Variants in ZFPM2 observed in about 807,000 individuals in gnomAD.
The protein encoded by ZFPM2 is zinc finger protein, FOG family member 2.
In ZFPM2, 20 loss-of-function variants were observed where a neutral mutation model predicts 98.6. The observed-to-expected ratio is 0.20, with a 90% CI of 0.14 to 0.29. The LOEUF (loss-of-function observed/expected upper bound fraction) is 0.29, where lower values mean the gene tolerates loss of function less well. Among genes scored for constraint, ZFPM2 ranks in the 10% least tolerant of loss-of-function variants. The pLI, the probability that ZFPM2 is intolerant of heterozygous loss-of-function variation, is 1.00. For missense variants in ZFPM2, 1,310 were observed against 1,388.6 expected (o/e 0.94, Z 0.90); for synonymous variants, 518 against 502.7 (o/e 1.03, Z -0.41).
At position 105,477,237 on chromosome 8, in the gene ZFPM2, C is replaced by CTTT. The variant is rs397891589; in HGVS notation, c.301+32879_301+32881dup. 3.7e-3 allele frequency among the ~76,000 whole-genome samples: 272 copies of CTTT among 74,478 alleles called. 5 individuals carry two copies. The highest frequency in any genetic ancestry group is 4.3e-3 in the Admixed American group (23 of 5,334). The allele number at this position is 74,478 out of a possible 152,430, so 48.9% of individuals were successfully genotyped here. On this transcript the variant is annotated intron_variant, in intron 3 of 7. Transcript: ENST00000407775. ...TAAGTGATTTCTTTCTGCTAGCAAT[C>CTTT]TTTTTTTTTTTTTTTTTTTTTTTTT...
At position 105,346,396 on chromosome 8, in the gene ZFPM2, A is replaced by AT. The variant is rs1455108349; in HGVS notation, c.40+27415_40+27416insT. Among the ~76,000 whole-genome samples the AT allele has an allele frequency of 5.6e-3, 851 of 151,082 alleles. 34 individuals are homozygous for AT. Among genetic ancestry groups the AT allele is most frequent in the Admixed American group, 0.044 (661 of 15,184 alleles). On this transcript the variant is annotated intron_variant, in intron 1 of 7. Coordinates refer to ENST00000407775, the MANE Select transcript of ZFPM2 (RefSeq NM_012082.4). ...CGAAACTCCATCTCAAAAAAAAAAAAAAATAAATAAATAATAAAATAAGAG... is the reference window on the plus strand; with the variant it reads ...CGAAACTCCATCTCAAAAAAAAAAAATAAATAAATAAATAATAAAATAAGAG...
chr8:105,413,467 G>A (rs1811617239), intron 1 of ZFPM2, among the ~76,000 whole-genome samples: 2 of 145,190 alleles, frequency 1.4e-5, no homozygotes, highest in Admixed American at 7.0e-5. Context: ...CGATTATGAT[G>A]TCACAATTCA....
intron 2 of ZFPM2, among the ~76,000 whole-genome samples, chr8:105,440,147 T>C (rs542432214): frequency 1.3e-5 from 2 of 152,318 alleles, no homozygotes; most frequent in East Asian, 3.9e-4. Context: ...AATACTCCTC[T>C]AGTACTTGCT....
chr8:105,371,727 C>T (rs572269125), intron 1 of ZFPM2, among the ~76,000 whole-genome samples: 118 of 151,952 alleles, frequency 7.8e-4, no homozygotes, highest in African/African-American at 2.7e-3. Flanking sequence ...GTGATACCAC[C>T]TTATATAAGA....
At chr8:105,673,678 C>T (rs576898415) in intron 5 of ZFPM2, among the ~76,000 whole-genome samples, 2 of 152,236 alleles carry the variant, frequency 1.3e-5, no homozygotes, top group South Asian at 2.1e-4. Context: ...AAAATACGCT[C>T]ATTACTACAT....
chr8:105,508,097 C>T lies in ZFPM2; in HGVS notation c.302-53266C>T, dbSNP rs1362055101. Among the ~76,000 whole-genome samples, 5 of 152,046 alleles carry T rather than the reference C, an allele frequency of 3.3e-5. No homozygotes were observed. The East Asian group carries it at 9.6e-4, about 29-fold the overall frequency. ...AGATGCTTCCAAGAAAATCTTACAC[C>T]CACCTACTATTACAGTTTAACGATT... On this transcript the variant is annotated intron_variant, in intron 3 of 7. Coordinates refer to ENST00000407775, the MANE Select transcript of ZFPM2 (RefSeq NM_012082.4).
At chr8:105,451,796 C>CA (rs1812489612) in intron 3 of ZFPM2, 1 of 152,172 alleles carries the variant, frequency 6.6e-6, no homozygotes, top group African/African-American at 2.4e-5. Context: ...AGCAAACTGA[C>CA]ACAGCAGCCA....
intron 5 of ZFPM2, among the ~76,000 whole-genome samples, chr8:105,743,121 C>A (rs565214250): frequency 4.1e-4 from 63 of 152,134 alleles, no homozygotes; most frequent in African/African-American, 1.5e-3. Context: ...GAAAACGATT[C>A]CCCTTTCAGG....
chr8:105,793,736 A>G (rs1023346077), intron 6 of ZFPM2, among the ~76,000 whole-genome samples: 1 of 152,070 alleles, frequency 6.6e-6, no homozygotes, highest in African/African-American at 2.4e-5. Flanking sequence ...TCAGACGTAG[A>G]TTTGGTCTTT....
At chr8:105,408,569 C>T (rs570090051) in intron 1 of ZFPM2, among the ~76,000 whole-genome samples, 245 of 151,882 alleles carry the variant, frequency 1.6e-3, no homozygotes, top group Admixed American at 6.9e-3. Context: ...AGAGATCTCT[C>T]ACAATGGAAA....
rs540001244 is a variant in ZFPM2, at chr8:105,326,993, T to G, written c.40+8012T>G. ...TTGTATTTAAATTTTAAAATGAATT[T>G]AAAAATTATTTTTAAATGGGCATTT... On this transcript the variant is annotated intron_variant, in intron 1 of 7. Transcript: ENST00000407775. 1.3e-4 allele frequency among the ~76,000 whole-genome samples: 20 copies of G among 151,590 alleles called. 1 individual carries two copies. The South Asian group carries it at 3.9e-3, about 30-fold the overall frequency.
intron 5 of ZFPM2, among the ~76,000 whole-genome samples, chr8:105,684,347 G>A (rs1810684253): frequency 6.6e-6 from 1 of 151,978 alleles, no homozygotes; most frequent in African/African-American, 2.4e-5. Flanking sequence ...TTTTTAAGTA[G>A]AATGAAAATT....
chr8:105,791,931 G>T (rs1313126236), intron 6 of ZFPM2, among the ~76,000 whole-genome samples: 1 of 152,104 alleles, frequency 6.6e-6, no homozygotes, highest in African/African-American at 2.4e-5. Context: ...GGGATCGCTG[G>T]TGATATCCCC....
intron 5 of ZFPM2, among the ~76,000 whole-genome samples, chr8:105,736,915 A>G (rs569194267): frequency 6.6e-6 from 1 of 152,204 alleles, no homozygotes; most frequent in Middle Eastern, 3.4e-3. Context: ...TTGAAAAATA[A>G]ACTATGATAG....
At chr8:105,623,291 C>T (rs1816591087) in intron 4 of ZFPM2, among the ~76,000 whole-genome samples, 1 of 152,066 alleles carries the variant, frequency 6.6e-6, no homozygotes, top group Non-Finnish European at 1.5e-5. Flanking sequence ...CACACTTTTT[C>T]CCTTTGGAGG....
At position 105,803,475 on chromosome 8, in the gene ZFPM2, T is replaced by G. The variant is rs375361151; in HGVS notation, c.3393T>G (p.Leu1131=). 9.0e-5 allele frequency: 146 copies of G among 1,613,430 alleles called. No homozygotes were observed. In the South Asian group the frequency reaches 1.4e-3, roughly 15 times the overall value. The change falls in exon 8 of 8, where the codon CTT becomes CTG. Residue 1131 remains leucine, a synonymous_variant. Transcript: ENST00000407775. ...TATGTGATATCCAGTTCAACAACCT[T>G]TCAAACTTTATAACTCACAAGAAGT... is the stretch of plus-strand genomic sequence containing the variant. ...CRLCDIQFNN[L]SNFITHKKFY...
intron 1 of ZFPM2, among the ~76,000 whole-genome samples, chr8:105,341,133 T>A (rs1485058878): frequency 6.6e-6 from 1 of 151,904 alleles, no homozygotes; most frequent in East Asian, 1.9e-4. Flanking sequence ...GGAGTTAAGT[T>A]GGGATAATGT....
intron 3 of ZFPM2, among the ~76,000 whole-genome samples, chr8:105,516,598 A>T (rs10955397): frequency 0.3 from 45,114 of 152,104 alleles, 8,168 homozygotes; most frequent in Non-Finnish European, 0.4. Flanking sequence ...CTGATGTCTC[A>T]GTCTGTCCTT....
At chr8:105,718,951 A>G (rs1811592121) in intron 5 of ZFPM2, among the ~76,000 whole-genome samples, 2 of 151,894 alleles carry the variant, frequency 1.3e-5, no homozygotes, top group Admixed American at 1.3e-4. Flanking sequence ...CCACTTATTA[A>G]ATGGCAGATT....
Sources: gnomAD v4.1 joint callset for allele counts (sites outside exome capture counted in the v4.1 genomes callset) on GRCh38, gnomAD v4.1.1 for gene constraint, MANE v1.5 for transcripts, NCBI Gene and HGNC (gene_info 2026-07-23, HGNC 2026-07-21) for gene names.